The following CHRM3 variants were observed in gnomAD, a reference collection of about 807,000 sequenced individuals.
CHRM3 encodes the protein muscarinic acetylcholine receptor M3.
CHRM3 carries 11 observed loss-of-function variants against 41.8 expected under a neutral mutation model. The observed-to-expected ratio is 0.26, with a 90% CI of 0.17 to 0.44. The LOEUF is 0.44. CHRM3 is among the 20% of genes least tolerant of loss of function. CHRM3 has a pLI of 1.00. For synonymous variants in CHRM3, 297 were observed against 301.4 expected (o/e 0.99, Z 0.15); for missense variants, 571 against 745.4 (o/e 0.77, Z 2.72).
At chr1:239,860,783 C>A (rs1675570306) in intron 6 of CHRM3, among the ~76,000 whole-genome samples, 1 of 152,162 alleles carries the variant, frequency 6.6e-6, no homozygotes, top group Admixed American at 6.5e-5. Context: ...CAACCTGTAG[C>A]AAGTGATAGG....
intron 5 of CHRM3, among the ~76,000 whole-genome samples, chr1:239,804,186 A>G (rs963110595): frequency 5.3e-5 from 8 of 152,194 alleles, no homozygotes; most frequent in African/African-American, 1.9e-4. Context: ...GTCTTTTGAG[A>G]TATTTCCAAG....
At chr1:239,710,655 A>T (rs1192651274) in intron 5 of CHRM3, among the ~76,000 whole-genome samples, 2 of 152,138 alleles carry the variant, frequency 1.3e-5, no homozygotes, top group Non-Finnish European at 2.9e-5. Flanking sequence ...TCAGACAGAG[A>T]ATTTAGTAAC....
chr1:239,587,710 C>T (rs1254812914), intron 3 of CHRM3, among the ~76,000 whole-genome samples: 2 of 152,166 alleles, frequency 1.3e-5, no homozygotes, highest in Non-Finnish European at 2.9e-5. Context: ...TCCTAAGCAA[C>T]GAAGTCATTT....
At chr1:239,606,566 G>A (rs951283508) in intron 3 of CHRM3, among the ~76,000 whole-genome samples, 5 of 152,248 alleles carry the variant, frequency 3.3e-5, no homozygotes, top group Middle Eastern at 3.4e-3. Flanking sequence ...GAGCCATCGC[G>A]CCTGACCGTA....
At chr1:239,700,211 G>A (rs1572025888) in intron 5 of CHRM3, among the ~76,000 whole-genome samples, 1 of 152,212 alleles carries the variant, frequency 6.6e-6, no homozygotes, top group South Asian at 2.1e-4. Context: ...CCATTCCTGA[G>A]AACTGGGTGT....
At chr1:239,677,852 G>T (rs1658167141) in intron 4 of CHRM3, among the ~76,000 whole-genome samples, 1 of 152,284 alleles carries the variant, frequency 6.6e-6, no homozygotes, top group East Asian at 1.9e-4. Context: ...TTTGGGGGAA[G>T]CTTATAAAAT....
chr1:239,461,366 TG>T (rs1377955930), intron 1 of CHRM3, among the ~76,000 whole-genome samples: 1 of 152,074 alleles, frequency 6.6e-6, no homozygotes, highest in Non-Finnish European at 1.5e-5. Context: ...ACATAGAAGA[TG>T]GGGTGTTTGA....
intron 2 of CHRM3, among the ~76,000 whole-genome samples, chr1:239,534,337 T>A (rs1364327642): frequency 6.6e-6 from 1 of 152,034 alleles, no homozygotes; most frequent in Non-Finnish European, 1.5e-5. Flanking sequence ...AAAAAGAAAA[T>A]TTTAGGAGAA....
intron 3 of CHRM3, among the ~76,000 whole-genome samples, chr1:239,611,046 T>A (rs1349533767): frequency 6.6e-6 from 1 of 151,968 alleles, no homozygotes; most frequent in African/African-American, 2.4e-5. Flanking sequence ...CAAGACTCAG[T>A]CTCAAAAATA....
intron 1 of CHRM3, among the ~76,000 whole-genome samples, chr1:239,457,583 C>G (rs1206892000): frequency 6.6e-6 from 1 of 152,072 alleles, no homozygotes; most frequent in Non-Finnish European, 1.5e-5. Context: ...TGTCTATTTG[C>G]AAGCAAAGCC....
Position 239,650,910 on chromosome 1 carries a change from AAT to A in CHRM3, c.-250+18627_-250+18628del, listed in dbSNP as rs751467557. 5.9e-5 allele frequency among the ~76,000 whole-genome samples: 9 copies of A among 152,348 alleles called. No individual in the cohort carries two copies. The East Asian group carries it at 1.2e-3, about 20-fold the overall frequency. On this transcript the variant is annotated intron_variant, in intron 4 of 6. Coordinates refer to ENST00000676153, the MANE Select transcript of CHRM3 (RefSeq NM_001375978.1). ...GTAGTATCACACATTAATATATGTA[AAT>A]ATGTGTAAATTTATGCATAAAATAT...
chr1:239,866,256 A>G (rs893520654), intron 6 of CHRM3, among the ~76,000 whole-genome samples: 4 of 152,104 alleles, frequency 2.6e-5, no homozygotes, highest in African/African-American at 7.2e-5. Context: ...GGGCACCTGT[A>G]GTCCCAGCTA....
At chr1:239,415,914 AT>A (rs1259621749) in intron 1 of CHRM3, among the ~76,000 whole-genome samples, 2 of 152,336 alleles carry the variant, frequency 1.3e-5, no homozygotes, top group East Asian at 3.9e-4. Context: ...GAAGTGCTTA[AT>A]TTTAATGTTT....
chr1:239,865,514 G>T (rs895764943), intron 6 of CHRM3, among the ~76,000 whole-genome samples: 15 of 152,310 alleles, frequency 9.8e-5, no homozygotes, highest in East Asian at 1.9e-4. Context: ...TTCAGTGGCT[G>T]ATCCAGTCCA....
chr1:239,484,863 G>A (rs560672710), intron 1 of CHRM3, among the ~76,000 whole-genome samples: 22 of 152,072 alleles, frequency 1.4e-4, no homozygotes, highest in African/African-American at 5.3e-4. Flanking sequence ...GGAAGCAAGG[G>A]GAAAGTTGAA....
intron 6 of CHRM3, among the ~76,000 whole-genome samples, chr1:239,906,846 A>AG (rs749901464): frequency 6.6e-6 from 1 of 152,224 alleles, no homozygotes; most frequent in East Asian, 1.9e-4. Context: ...AGTCCTTACA[A>AG]GGAACGGATG....
intron 3 of CHRM3, among the ~76,000 whole-genome samples, chr1:239,595,112 A>ACAAT (rs1664641606): frequency 1.3e-5 from 2 of 152,134 alleles, no homozygotes; most frequent in African/African-American, 4.8e-5. Context: ...AAACAAACAA[A>ACAAT]CAACAAAACG....
chr1:239,763,714 T>C (rs1231344308), intron 5 of CHRM3, among the ~76,000 whole-genome samples: 1 of 152,000 alleles, frequency 6.6e-6, no homozygotes, highest in Non-Finnish European at 1.5e-5. Flanking sequence ...AAAGGACTCA[T>C]TAATTATTTT....
chr1:239,552,501 T>A (rs894685057), intron 3 of CHRM3, among the ~76,000 whole-genome samples: 2 of 143,046 alleles, frequency 1.4e-5, no homozygotes, highest in Admixed American at 1.4e-4. Context: ...ACATAAAATA[T>A]ATATTTTATA....
Sources: gnomAD v4.1 joint callset for allele counts (sites outside exome capture counted in the v4.1 genomes callset) on GRCh38, gnomAD v4.1.1 for gene constraint, MANE v1.5 for transcripts, NCBI Gene and HGNC (gene_info 2026-07-23, HGNC 2026-07-21) for gene names.